RRBP1: variants seen among roughly 807,000 people sequenced by gnomAD.
RRBP1 encodes ribosome-binding protein 1.
A neutral mutation model predicts 165.2 loss-of-function variants in RRBP1; 94 were observed. The ratio of observed to expected loss-of-function variants is 0.57; its 90% CI spans 0.48 to 0.68. The LOEUF is 0.68. RRBP1 is among the 30% of genes least tolerant of loss of function. The pLI, the probability that RRBP1 is intolerant of heterozygous loss-of-function variation, is 0.00. For missense variants in RRBP1, 1,676 were observed against 1,763.0 expected (o/e 0.95, Z 0.88); for synonymous variants, 680 against 714.5 (o/e 0.95, Z 0.77).
At chr20:17,629,553 GC>G (rs982418038) in intron 9 of RRBP1, among the ~76,000 whole-genome samples, 7 of 148,482 alleles carry the variant, frequency 4.7e-5, no homozygotes, top group Admixed American at 6.7e-5. Context: ...CACAGGCCTT[GC>G]CCCCCACTTC....
intron 5 of RRBP1, 40 bp downstream of exon 5, chr20:17,641,757 G>GGGA: frequency 6.2e-7 from 1 of 1,607,168 alleles, no homozygotes; most frequent in South Asian, 1.1e-5. Context: ...CTCTGAGGAC[G>GGGA]GGAGAGGACA....
chr20:17,660,103 G>C lies in RRBP1; in HGVS notation c.405C>G (p.Ser135=), dbSNP rs763809710. ...PAMPQEKLAS[S]PKDKKKKEKK... is the part of the protein sequence containing the mutation. ...TCTCCTTCTTCTTTTTGTCCTTGGG[G>C]GAGGAGGCCAGCTTCTCCTGGGGCA... Residue 135 remains serine (S), a synonymous_variant, in exon 3 of 25, where the codon TCC becomes TCG. Transcript: ENST00000377813. The C allele has an allele frequency of 6.2e-7, 1 of 1,614,026 alleles. No individual in the cohort carries two copies. Among genetic ancestry groups the C allele is most frequent in the Non-Finnish European group, 8.5e-7 (1 of 1,180,036 alleles).
At position 17,659,616 on chromosome 20, in the gene RRBP1, G is replaced by C. The variant is rs563456246; in HGVS notation, c.892C>G (p.Gln298Glu). Residue 298 changes from glutamine (Q) to glutamate (E), a missense_variant, in exon 3 of 25, where the codon CAG becomes GAG. Transcript: ENST00000377813. Reference protein sequence around the residue: ...QGRKAEGAQNQAKKVEGAQNQ... With the variant: ...QGRKAEGAQNEAKKVEGAQNQ... ...TGGGCCCCTTCTACCTTTTTGGCCT[G>C]GTTCTGAGCCCCCTCGGCCTTTCTG... 513 of 1,550,376 alleles carry C rather than the reference G, an allele frequency of 3.3e-4. 3 individuals are homozygous for C. The African/African-American group carries it at 6.6e-3, about 20-fold the overall frequency.
chr20:17,660,030 T>A lies in RRBP1; in HGVS notation c.478A>T (p.Ile160Phe). 6.2e-7 allele frequency: 1 copy of A among 1,613,400 alleles called. No homozygotes were observed. The highest frequency in any genetic ancestry group is 1.3e-5 in the African/African-American group (1 of 75,056). Residue 160 changes from isoleucine (I) to phenylalanine (F), a missense_variant, in exon 3 of 25, where the codon ATC becomes TTC. Ile to Phe is a conservative substitution (Grantham distance 21). Around this residue, in one of 5 missense-constraint regions of RRBP1, gnomAD observed 392 missense variants for 382.5 expected, o/e 1.02. Transcript: ENST00000377813. The stretch of plus-strand genomic sequence containing the variant: ...GCAGCCTTCGAAGTGAGAACCTGGA[T>A]GGAATTCACTACAGAGCTGACAGCT... ...EPAVSSVVNS[I>F]QVLTSKAAIL...
chr20:17,633,644 A>T (rs747325197), intron 7 of RRBP1, 31 bp from the exon 8 acceptor site: 2 of 1,610,610 alleles, frequency 1.2e-6, no homozygotes, highest in Non-Finnish European at 1.7e-6. Flanking sequence ...CGACTAATGG[A>T]AAGAAAAGGG....
At chr20:17,665,558 A>G (rs947754978) in intron 2 of RRBP1, among the ~76,000 whole-genome samples, 1 of 152,164 alleles carries the variant, frequency 6.6e-6, no homozygotes, top group Non-Finnish European at 1.5e-5. Flanking sequence ...TTTTTAGTAG[A>G]GACGGGGTTT....
chr20:17,624,339 CGTCCTAGTGCCTCTGTGTCT>C (rs1317376034), intron 13 of RRBP1, among the ~76,000 whole-genome samples: 2 of 152,288 alleles, frequency 1.3e-5, no homozygotes, highest in South Asian at 2.1e-4. Flanking sequence ...TGCGTCTGTA[CGTCCTAGTGCCTCTGTGTCT>C]GTCCTAGTGC....
At chr20:17,615,852 C>A in intron 22 of RRBP1, 74 bp downstream of exon 22, 1 of 1,338,796 alleles carries the variant, frequency 7.5e-7, no homozygotes, top group South Asian at 1.2e-5. Flanking sequence ...CGGGGCAGGG[C>A]TGACCCACTC....
At chr20:17,628,837 A>G (rs924124759) in intron 9 of RRBP1, among the ~76,000 whole-genome samples, 4 of 152,018 alleles carry the variant, frequency 2.6e-5, no homozygotes, top group African/African-American at 9.7e-5. Context: ...CCCAACCTCC[A>G]TTTTTCCAAG....
chr20:17,671,414 TG>T (rs2036977070), intron 2 of RRBP1, among the ~76,000 whole-genome samples: 1 of 152,246 alleles, frequency 6.6e-6, no homozygotes, highest in Non-Finnish European at 1.5e-5. Context: ...AGTCCTTCAA[TG>T]ATCTGCTCGC....
chr20:17,621,802 G>C (rs376393425), intron 14 of RRBP1, 29 bp from the exon 15 acceptor site: 1 of 1,612,574 alleles, frequency 6.2e-7, no homozygotes, highest in South Asian at 1.1e-5. Flanking sequence ...GGTGAGACCC[G>C]GGGACATTCC....
In RRBP1 at chr20:17,641,454, C is replaced by T. The variant is rs927973150; in HGVS notation, c.2184+343G>A. Reference sequence around the variant, plus strand: ...CTTTCCAGGCACAGCCCCTAGAAAGCTGGCCTGTGACTGCAGGACCTGTCT... The same window carrying T: ...CTTTCCAGGCACAGCCCCTAGAAAGTTGGCCTGTGACTGCAGGACCTGTCT... On this transcript the variant is annotated intron_variant, in intron 5 of 24. Transcript: ENST00000377813. The T allele has an allele frequency of 1.0e-5, 3 of 295,206 alleles. No homozygotes were observed. In the South Asian group the frequency reaches 1.5e-4, roughly 15 times the overall value. 18.3% of individuals were successfully genotyped at this position (295,206 alleles called of 1,614,324 possible). A position where few individuals can be genotyped will look rare whatever the true frequency, so the allele number is the denominator to read the frequency against.
intron 8 of RRBP1, among the ~76,000 whole-genome samples, chr20:17,632,962 A>G (rs59437065): frequency 3.3e-5 from 5 of 152,360 alleles, no homozygotes; most frequent in African/African-American, 1.2e-4. Context: ...TTGAAGCCAG[A>G]GGCTGCGTCC....
rs984235271 is a variant in RRBP1 at position 17,633,403 on chromosome 20, C to T, written c.2610+57G>A. On this transcript the variant is annotated intron_variant, in intron 8 of 24. Coordinates refer to ENST00000377813, the MANE Select transcript of RRBP1 (RefSeq NM_001365613.2). ...CCAGCCTGGGCCCATCCCCGCTATG[C>T]AGACAGGCTTGCTGGGCAGTGAACA... is the stretch of plus-strand genomic sequence containing the variant. The T allele has an allele frequency of 1.3e-5, 20 of 1,573,818 alleles. No homozygotes were observed. In the East Asian group the frequency reaches 4.3e-4, roughly 33 times the overall value.
At chr20:17,653,918 C>A (rs958848956) in intron 3 of RRBP1, among the ~76,000 whole-genome samples, 9 of 151,944 alleles carry the variant, frequency 5.9e-5, no homozygotes, top group Admixed American at 2.6e-4. Context: ...CCCCCAGCCA[C>A]CAAAGACCAA....
intron 5 of RRBP1, among the ~76,000 whole-genome samples, chr20:17,637,863 C>T (rs562879091): frequency 3.3e-5 from 5 of 151,878 alleles, no homozygotes; most frequent in East Asian, 1.9e-4. Context: ...AAGTGGGGGG[C>T]GGGATGAGCT....
intron 2 of RRBP1, among the ~76,000 whole-genome samples, chr20:17,679,314 C>T (rs910515403): frequency 2.6e-5 from 4 of 152,196 alleles, no homozygotes; most frequent in Non-Finnish European, 5.9e-5. Flanking sequence ...GGGCGCTGTC[C>T]GCCTGGTATA....
intron 13 of RRBP1, among the ~76,000 whole-genome samples, chr20:17,623,541 C>T (rs373655709): frequency 7.9e-5 from 12 of 152,228 alleles, no homozygotes; most frequent in South Asian, 4.1e-4. Flanking sequence ...GAGACACCTG[C>T]ACACGCCCCA....
chr20:17,621,516 TCCTCGGCCTC>T lies in RRBP1; in HGVS notation c.3346_3355del (p.Glu1116ArgfsTer56). The T allele has an allele frequency of 6.2e-7, 1 of 1,612,928 alleles. No individual in the cohort carries two copies. Among genetic ancestry groups the T allele is most frequent in the Non-Finnish European group, 8.5e-7 (1 of 1,179,962 alleles). The stretch of plus-strand genomic sequence containing the variant: ...CTCGGCCTGCAGTGTGCTCTGCGTC[TCCTCGGCCTC>T]CCTCAACTTGGAGGCCAGGTCCTGA... On this transcript the variant is annotated frameshift_variant, in exon 16 of 25. Transcript: ENST00000377813. LOFTEE classifies it high-confidence loss of function.
Sources: gnomAD v4.1 joint callset for allele counts (sites outside exome capture counted in the v4.1 genomes callset) on GRCh38, gnomAD v4.1.1 for gene constraint, gnomAD v4.1.1 regional missense constraint, MANE v1.5 for transcripts, NCBI Gene and HGNC (gene_info 2026-07-23, HGNC 2026-07-21) for gene names.